DOCK3: variants seen among roughly 807,000 people sequenced by gnomAD.
The protein encoded by DOCK3 is dedicator of cytokinesis protein 3.
DOCK3 carries 60 observed loss-of-function variants against 265.6 expected under a neutral mutation model. That is an observed-to-expected ratio of 0.23 (90% CI 0.18 to 0.28). DOCK3 has a LOEUF of 0.28. Among genes scored for constraint, DOCK3 ranks in the 10% least tolerant of loss-of-function variants. The pLI, the probability that DOCK3 is intolerant of heterozygous loss-of-function variation, is 1.00. For synonymous variants in DOCK3, 881 were observed against 938.0 expected, an observed-to-expected ratio of 0.94 and a Z score of 1.11; for missense variants, 1,981 against 2,594.3, an observed-to-expected ratio of 0.76 and a Z score of 5.14.
chr3:50,905,687 A>G (rs902415323), intron 4 of DOCK3, among the ~76,000 whole-genome samples: 1 of 152,008 alleles, frequency 6.6e-6, no homozygotes, highest in Non-Finnish European at 1.5e-5. Flanking sequence ...TTTTCTAAAT[A>G]TACAATCATG....
At chr3:51,312,175 G>T in intron 29 of DOCK3, 96 bp downstream of exon 29, 1 of 1,103,370 alleles carries the variant, frequency 9.1e-7, no homozygotes, top group South Asian at 1.4e-5. Context: ...TAGATTCATA[G>T]TATCAAACAG....
chr3:50,693,666 G>A (rs1221632426), intron 1 of DOCK3, among the ~76,000 whole-genome samples: 1 of 150,590 alleles, frequency 6.6e-6, no homozygotes, highest in East Asian at 2.0e-4. Context: ...CTCCCAGGTA[G>A]CTGGGACTGC....
intron 12 of DOCK3, among the ~76,000 whole-genome samples, chr3:51,200,296 C>T (rs1285838362): frequency 2.0e-5 from 3 of 151,646 alleles, no homozygotes; most frequent in South Asian, 2.1e-4. Context: ...AAAATTTAGA[C>T]GAATGTATAA....
intron 8 of DOCK3, 100 bp downstream of exon 8, chr3:51,089,384 T>G: frequency 7.2e-7 from 1 of 1,397,988 alleles, no homozygotes; most frequent in Non-Finnish European, 9.9e-7. Flanking sequence ...CACCACTGAC[T>G]TCTTGACTGT....
At position 50,909,255 on chromosome 3, in the gene DOCK3, C is replaced by A. The variant is rs2049726641; in HGVS notation, c.218+19174C>A. Among the ~76,000 whole-genome samples, 2 of 152,018 alleles carry A rather than the reference C, an allele frequency of 1.3e-5. 1 individual carries two copies. The highest frequency in any genetic ancestry group is 1.3e-4 in the Admixed American group (2 of 15,262). On this transcript the variant is annotated intron_variant, in intron 4 of 52. Transcript: ENST00000266037. ...TTATGTGTGAATTTGATCGTGTCAT[C>A]ATGGTGTTAGCTGGTTATTTTGCAG... is the stretch of plus-strand genomic sequence containing the variant.
rs577110339 is a variant in DOCK3 at position 51,206,224 on chromosome 3, T to G, written c.1038-2550T>G. Among the ~76,000 whole-genome samples the G allele has an allele frequency of 5.9e-5, 9 of 152,322 alleles. No individual in the cohort carries two copies. In the South Asian group the frequency reaches 1.4e-3, roughly 25 times the overall value. On this transcript the variant is annotated intron_variant, in intron 12 of 52. Transcript: ENST00000266037. ...TGCAGAATGATGGCAAAGTTTTAAT[T>G]AGCAACATTTAAGCTATAAGAAATA...
chr3:50,859,471 C>T (rs912887225), intron 3 of DOCK3, among the ~76,000 whole-genome samples: 2 of 152,070 alleles, frequency 1.3e-5, no homozygotes, highest in Non-Finnish European at 2.9e-5. Flanking sequence ...CCCCCTCGGC[C>T]TCCCAAAGTG....
intron 27 of DOCK3, among the ~76,000 whole-genome samples, chr3:51,297,184 T>C (rs1377017376): frequency 1.3e-5 from 2 of 151,258 alleles, no homozygotes; most frequent in African/African-American, 4.9e-5. Context: ...CTTATAGTAT[T>C]TACAAAATTA....
At chr3:50,854,818 A>C (rs1258747158) in intron 3 of DOCK3, among the ~76,000 whole-genome samples, 1 of 151,838 alleles carries the variant, frequency 6.6e-6, no homozygotes, top group Non-Finnish European at 1.5e-5. Context: ...AAGTGATGAG[A>C]GAGATCTATT....
chr3:50,723,049 A>G (rs2037574500), intron 1 of DOCK3, among the ~76,000 whole-genome samples: 1 of 152,194 alleles, frequency 6.6e-6, no homozygotes. Flanking sequence ...CAGGGAATAC[A>G]GACGTGGACC....
intron 2 of DOCK3, among the ~76,000 whole-genome samples, chr3:50,819,947 G>A (rs560050420): frequency 9.9e-5 from 15 of 152,086 alleles, no homozygotes; most frequent in Non-Finnish European, 1.8e-4. Flanking sequence ...GGGCGAGAGA[G>A]CAAGACTCCG....
At chr3:51,135,648 C>A (rs2084757346) in intron 9 of DOCK3, among the ~76,000 whole-genome samples, 1 of 152,162 alleles carries the variant, frequency 6.6e-6, no homozygotes, top group South Asian at 2.1e-4. Flanking sequence ...AAATTCTTCA[C>A]ACGTAAATAA....
At chr3:51,270,346 A>G (rs2080431637) in intron 23 of DOCK3, among the ~76,000 whole-genome samples, 1 of 152,240 alleles carries the variant, frequency 6.6e-6, no homozygotes, top group African/African-American at 2.4e-5. Flanking sequence ...TCAGAACTGG[A>G]TCACTGGCTG....
At chr3:50,871,746 C>G in intron 3 of DOCK3, among the ~76,000 whole-genome samples, 1 of 152,080 alleles carries the variant, frequency 6.6e-6, no homozygotes, top group Non-Finnish European at 1.5e-5. Flanking sequence ...TTTCAAATAG[C>G]CTGTCTTAAA....
intron 4 of DOCK3, among the ~76,000 whole-genome samples, chr3:50,896,205 G>A (rs2107774850): frequency 6.6e-6 from 1 of 152,240 alleles, no homozygotes; most frequent in South Asian, 2.1e-4. Flanking sequence ...ACTGGCGTGA[G>A]ATGGTATTTC....
rs1560337159 is a variant in DOCK3, at chr3:51,277,694, A to G, written c.2763A>G (p.Lys921=). 6 of 1,611,266 alleles carry G rather than the reference A, an allele frequency of 3.7e-6. No individual in the cohort carries two copies. The highest frequency in any genetic ancestry group is 5.1e-6 in the Non-Finnish European group (6 of 1,178,996). ...AGACTCTGCTCACCATCATGAGCAAATCGCACGCTCAGGAGGCGGTAAGAG... is the reference window on the plus strand; with the variant it reads ...AGACTCTGCTCACCATCATGAGCAAGTCGCACGCTCAGGAGGCGGTAAGAG... ...LLQTLLTIMS[K]SHAQEAVRGQ... Residue 921 remains lysine, a synonymous_variant, in exon 26 of 53, where the codon AAA becomes AAG. Transcript: ENST00000266037.
intron 6 of DOCK3, among the ~76,000 whole-genome samples, chr3:51,072,953 G>A (rs935568443): frequency 5.3e-5 from 8 of 150,356 alleles, no homozygotes; most frequent in African/African-American, 1.2e-4. Context: ...AGCAGTCCTC[G>A]CTCCCTGACT....
At chr3:51,328,600 C>G (rs941321370) in intron 32 of DOCK3, among the ~76,000 whole-genome samples, 7 of 144,724 alleles carry the variant, frequency 4.8e-5, no homozygotes, top group Non-Finnish European at 1.0e-4. Flanking sequence ...TAGCAGACCA[C>G]TATTAAAAAA....
At chr3:51,341,197 A>G in intron 37 of DOCK3, 40 bp from the exon 38 acceptor site, 2 of 1,528,240 alleles carry the variant, frequency 1.3e-6, no homozygotes, top group Non-Finnish European at 1.8e-6. Flanking sequence ...GCCTCTGAGC[A>G]AGGGAAGCCC....
Sources: gnomAD v4.1 joint callset for allele counts (sites outside exome capture counted in the v4.1 genomes callset) on GRCh38, gnomAD v4.1.1 for gene constraint, MANE v1.5 for transcripts, NCBI Gene and HGNC (gene_info 2026-07-23, HGNC 2026-07-21) for gene names.